TCF7L1: variants seen among roughly 807,000 people sequenced by gnomAD.
The protein encoded by TCF7L1 is transcription factor 7-like 1.
In TCF7L1, 18 loss-of-function variants were observed where a neutral mutation model predicts 63.7. The observed-to-expected ratio is 0.28, with a 90% CI of 0.20 to 0.42. The LOEUF (loss-of-function observed/expected upper bound fraction) is 0.42, where lower values mean the gene tolerates loss of function less well. Ranked by LOEUF, TCF7L1 falls within the 10% of genes least tolerant of loss-of-function variation. The pLI is 1.00. For missense variants in TCF7L1, 654 were observed against 779.3 expected, an observed-to-expected ratio of 0.84 and a Z score of 1.91; for synonymous variants, 355 against 340.9, an observed-to-expected ratio of 1.04 and a Z score of -0.46.
intron 3 of TCF7L1, among the ~76,000 whole-genome samples, chr2:85,160,976 G>A (rs183574965): frequency 3.9e-5 from 6 of 152,344 alleles, no homozygotes; most frequent in South Asian, 2.1e-4. Flanking sequence ...GGGTCTGTCC[G>A]TGTGGAGGAA....
intron 3 of TCF7L1, among the ~76,000 whole-genome samples, chr2:85,247,196 A>T (rs1437965085): frequency 6.6e-6 from 1 of 152,208 alleles, no homozygotes; most frequent in African/African-American, 2.4e-5. Flanking sequence ...CCAGGATACA[A>T]TATCCAAATT....
intron 4 of TCF7L1, among the ~76,000 whole-genome samples, chr2:85,296,693 G>T (rs536048776): frequency 4.6e-5 from 7 of 152,142 alleles, no homozygotes; most frequent in African/African-American, 1.7e-4. Flanking sequence ...GAGCTTCAGC[G>T]TCTTTGAAAT....
rs759348807 is a variant in TCF7L1, at chr2:85,298,191, CAAAAAAA to C, written c.526-4284_526-4278del. Reference sequence around the variant, plus strand: ...TGGGTGACAGAGTGAGACTCCATCTCAAAAAAAAAAAAAAAGTGCAGGCCGGGCGCGG... The same window carrying C: ...TGGGTGACAGAGTGAGACTCCATCTCAAAAAAAAGTGCAGGCCGGGCGCGG... On this transcript the variant is annotated intron_variant, in intron 4 of 11. Transcript: ENST00000282111. Among the ~76,000 whole-genome samples the C allele has an allele frequency of 4.5e-5, 2 of 44,744 alleles. 1 individual carries two copies. Among genetic ancestry groups the C allele is most frequent in the African/African-American group, 2.7e-4 (2 of 7,354 alleles). 29.4% of individuals were successfully genotyped at this position (44,744 alleles called of 152,430 possible).
At chr2:85,190,192 C>T (rs1035487439) in intron 3 of TCF7L1, among the ~76,000 whole-genome samples, 1 of 152,214 alleles carries the variant, frequency 6.6e-6, no homozygotes, top group Admixed American at 6.5e-5. Flanking sequence ...TAGCCCCAGG[C>T]ACACTGATGT....
intron 3 of TCF7L1, among the ~76,000 whole-genome samples, chr2:85,170,264 T>G (rs1678517210): frequency 6.6e-6 from 1 of 152,192 alleles, no homozygotes; most frequent in East Asian, 1.9e-4. Flanking sequence ...TAGGTGGATT[T>G]CATTTTCAGA....
At chr2:85,242,700 C>T (rs1680363166) in intron 3 of TCF7L1, among the ~76,000 whole-genome samples, 1 of 152,228 alleles carries the variant, frequency 6.6e-6, no homozygotes, top group African/African-American at 2.4e-5. Context: ...GTCACTCCTG[C>T]TCACAGCACC....
intron 3 of TCF7L1, among the ~76,000 whole-genome samples, chr2:85,244,070 G>A (rs1018489979): frequency 3.3e-5 from 5 of 152,178 alleles, no homozygotes; most frequent in Admixed American, 1.3e-4. Flanking sequence ...ACACATACAC[G>A]GGGGAAGAGC....
chr2:85,223,988 C>T (rs907334371), intron 3 of TCF7L1, among the ~76,000 whole-genome samples: 1 of 152,156 alleles, frequency 6.6e-6, no homozygotes, highest in African/African-American at 2.4e-5. Context: ...CTCCCTGTGT[C>T]CATGTGTTCT....
chr2:85,234,131 C>CTTTTTTTTTTTTTTTTTT (rs35508338), intron 3 of TCF7L1, among the ~76,000 whole-genome samples: 93 of 65,226 alleles, frequency 1.4e-3, no homozygotes, highest in East Asian at 2.3e-3. Flanking sequence ...TTTTTCTTTT[C>CTTTTTTTTTTTTTTTTTT]TTTTTTTTTT....
At chr2:85,297,462 G>A (rs1388577149) in intron 4 of TCF7L1, among the ~76,000 whole-genome samples, 1 of 152,156 alleles carries the variant, frequency 6.6e-6, no homozygotes, top group Non-Finnish European at 1.5e-5. Context: ...CTACACTAGT[G>A]TTTCTTTGGC....
Position 85,223,813 on chromosome 2 carries a change from A to G in TCF7L1, c.442-59682A>G, listed in dbSNP as rs187772257. Among the ~76,000 whole-genome samples the G allele has an allele frequency of 4.3e-3, 656 of 152,182 alleles. 4 individuals carry two copies. The highest frequency in any genetic ancestry group is 0.015 in the African/African-American group (609 of 41,522). Reference sequence around the variant, plus strand: ...TTTTACCTTTTTTTATTATACTTTAAGTTCTAGGATACATGTGCACAACGT... The same window carrying G: ...TTTTACCTTTTTTTATTATACTTTAGGTTCTAGGATACATGTGCACAACGT... On this transcript the variant is annotated intron_variant, in intron 3 of 11. Coordinates refer to ENST00000282111, the MANE Select transcript of TCF7L1 (RefSeq NM_031283.3).
chr2:85,222,950 G>A (rs1679880013), intron 3 of TCF7L1, among the ~76,000 whole-genome samples: 1 of 152,210 alleles, frequency 6.6e-6, no homozygotes, highest in South Asian at 2.1e-4. Context: ...GGGCTTAGGG[G>A]TGGATGAGCA....
intron 3 of TCF7L1, among the ~76,000 whole-genome samples, chr2:85,209,403 G>A (rs1268185892): frequency 6.6e-6 from 1 of 152,194 alleles, no homozygotes; most frequent in African/African-American, 2.4e-5. Flanking sequence ...TCCAAACTAG[G>A]TGTTTCAGTG....
intron 3 of TCF7L1, among the ~76,000 whole-genome samples, chr2:85,154,384 G>A (rs1204516322): frequency 1.3e-5 from 2 of 152,188 alleles, no homozygotes; most frequent in Non-Finnish European, 2.9e-5. Flanking sequence ...ACATCCTTGG[G>A]ATGTTATTAG....
At chr2:85,185,507 A>C (rs1001316932) in intron 3 of TCF7L1, among the ~76,000 whole-genome samples, 3 of 152,154 alleles carry the variant, frequency 2.0e-5, no homozygotes, top group Non-Finnish European at 4.4e-5. Flanking sequence ...AGGTAGAGCC[A>C]GTCTCAAGCA....
chr2:85,308,931 CCT>C, intron 11 of TCF7L1, 96 bp from the exon 12 acceptor site: 3 of 1,385,754 alleles, frequency 2.2e-6, no homozygotes, highest in South Asian at 1.4e-5. Flanking sequence ...CAAAATCATC[CCT>C]GTGTCTCCAA....
At chr2:85,137,670 A>G (rs1159988625) in intron 3 of TCF7L1, among the ~76,000 whole-genome samples, 1 of 152,332 alleles carries the variant, frequency 6.6e-6, no homozygotes. Flanking sequence ...AGGCGGGCGG[A>G]TCACCTGAGG....
chr2:85,230,499 A>C (rs1315957503), intron 3 of TCF7L1, among the ~76,000 whole-genome samples: 2 of 151,916 alleles, frequency 1.3e-5, no homozygotes, highest in African/African-American at 4.8e-5. Flanking sequence ...ACGCCCAGCT[A>C]ATTTCTTGAA....
At chr2:85,304,148 T>C in intron 6 of TCF7L1, 107 bp from the exon 7 acceptor site, 1 of 1,331,952 alleles carries the variant, frequency 7.5e-7, no homozygotes, top group Admixed American at 1.8e-5. Context: ...CTCCCAGCAT[T>C]ACCTTCCCGC....
Sources: allele counts gnomAD v4.1 joint callset (sites outside exome capture counted in the v4.1 genomes callset), GRCh38; gene constraint gnomAD v4.1.1; transcripts MANE v1.5; gene names NCBI Gene and HGNC (gene_info 2026-07-23, HGNC 2026-07-21).